MPDZ: variants seen among roughly 807,000 people sequenced by gnomAD.
MPDZ encodes the protein multiple PDZ domain crumbs cell polarity complex component.
Under a neutral mutation model 239.1 loss-of-function variants are expected in MPDZ, and 234 were observed. The observed-to-expected ratio is 0.98, with a 90% CI of 0.88 to 1.09. The LOEUF (loss-of-function observed/expected upper bound fraction) is 1.09, where lower values mean the gene tolerates loss of function less well. Among genes scored for constraint, MPDZ ranks in the 50% least tolerant of loss-of-function variants. MPDZ has a pLI of 0.00. For missense variants in MPDZ, 3,175 were observed against 2,510.0 expected (o/e 1.26, Z -5.66); for synonymous variants, 1,048 against 881.3 (o/e 1.19, Z -3.35).
chr9:13,267,212 A>G (rs1184040698), intron 1 of MPDZ, among the ~76,000 whole-genome samples: 2 of 152,374 alleles, frequency 1.3e-5, no homozygotes, highest in African/African-American at 4.8e-5. Context: ...AATAGGCTAC[A>G]TAAGTAAATT....
At chr9:13,152,095 T>G (rs773155750) in intron 24 of MPDZ, among the ~76,000 whole-genome samples, 1 of 152,088 alleles carries the variant, frequency 6.6e-6, no homozygotes, top group Non-Finnish European at 1.5e-5. Context: ...GCTAAACAGA[T>G]AGCAGCTTCT....
At chr9:13,221,184 CT>C in intron 7 of MPDZ, among the ~76,000 whole-genome samples, 187 bp downstream of exon 7, 1 of 152,054 alleles carries the variant, frequency 6.6e-6, no homozygotes, top group South Asian at 2.1e-4. Context: ...ATTACTGTCC[CT>C]TTTCAAAGGT....
At chr9:13,217,078 A>G (rs998238463) in intron 9 of MPDZ, 102 bp downstream of exon 9, 3 of 926,512 alleles carry the variant, frequency 3.2e-6, no homozygotes. Context: ...CAACCAGTTT[A>G]TCCAACAACC....
Position 13,133,815 on chromosome 9 carries a change from C to A in MPDZ, c.4464+9G>T. 6.4e-7 allele frequency: 1 copy of A among 1,571,230 alleles called. No individual in the cohort carries two copies. Among genetic ancestry groups the A allele is most frequent in the African/African-American group, 1.4e-5 (1 of 73,806 alleles). ...CACATCATTTCATTCCAATTCAAAG[C>A]AGATTTACCTTGGGAAGCTCCAGAT... On this transcript the variant is annotated intron_variant, in intron 32 of 46. Coordinates refer to ENST00000319217, the MANE Select transcript of MPDZ (RefSeq NM_001378778.1).
chr9:13,278,540 C>A (rs1974777959), intron 1 of MPDZ, among the ~76,000 whole-genome samples: 1 of 152,202 alleles, frequency 6.6e-6, no homozygotes, highest in Admixed American at 6.5e-5. Flanking sequence ...ACCATCACCA[C>A]CCAACAAACG....
intron 3 of MPDZ, among the ~76,000 whole-genome samples, chr9:13,226,702 G>A (rs1346274957): frequency 6.6e-6 from 1 of 152,024 alleles, no homozygotes; most frequent in Non-Finnish European, 1.5e-5. Flanking sequence ...TCCACACCCT[G>A]CTGTCATGAA....
chr9:13,135,305 T>A (rs1946575703), intron 31 of MPDZ: 1 of 152,222 alleles, frequency 6.6e-6, no homozygotes, highest in Non-Finnish European at 1.5e-5. Flanking sequence ...AAAATATTTG[T>A]TGGATAAACA....
intron 24 of MPDZ, among the ~76,000 whole-genome samples, chr9:13,157,204 G>C (rs896389106): frequency 4.6e-5 from 7 of 152,042 alleles, no homozygotes; most frequent in Non-Finnish European, 8.8e-5. Context: ...TGAACACAAA[G>C]CATCACATTG....
chr9:13,121,736 C>A lies in MPDZ; in HGVS notation c.5231+3G>T, dbSNP rs757335445. Reference sequence around the variant, plus strand: ...GCATTGGGTTTGTCCTCCTCAATCACACCTTTTACCAACAATACTTAATCC... The same window carrying A: ...GCATTGGGTTTGTCCTCCTCAATCAAACCTTTTACCAACAATACTTAATCC... On this transcript the variant is annotated splice_donor_region_variant and intron_variant, in intron 38 of 46. Coordinates refer to ENST00000319217, the MANE Select transcript of MPDZ (RefSeq NM_001378778.1). 1 of 1,613,834 alleles carries A rather than the reference C, an allele frequency of 6.2e-7. No individual in the cohort carries two copies. Among genetic ancestry groups the A allele is most frequent in the South Asian group, 1.1e-5 (1 of 91,072 alleles).
intron 3 of MPDZ, among the ~76,000 whole-genome samples, chr9:13,243,758 G>T (rs1486321932): frequency 6.6e-6 from 1 of 152,128 alleles, no homozygotes; most frequent in East Asian, 1.9e-4. Context: ...TTAATTTTGT[G>T]TGCATACACA....
At chr9:13,189,127 T>A in intron 16 of MPDZ, 134 bp from the exon 17 acceptor site, 5 of 737,852 alleles carry the variant, frequency 6.8e-6, no homozygotes, top group South Asian at 2.1e-5. Context: ...AAAAAATCCA[T>A]ACAAAATTTC....
Position 13,119,513 on chromosome 9 carries a change from C to A in MPDZ, c.5368G>T (p.Ala1790Ser), listed in dbSNP as rs757171783. Residue 1790 changes from alanine to serine, a missense_variant, in exon 39 of 47, where the codon GCT becomes TCT. Coordinates refer to ENST00000319217, the MANE Select transcript of MPDZ (RefSeq NM_001378778.1). ...VRNATQEAVA[A>S]LLKCSLGTVT... ...TTTGCATTTTTTACCTTTAGCAAAG[C>A]GGCAACCGCTTCTTGGGTGGCATTA... 8.7e-6 allele frequency: 14 copies of A among 1,609,626 alleles called. No individual in the cohort carries two copies. The Admixed American group carries it at 1.5e-4, about 17-fold the overall frequency.
rs1367844102 is a variant in MPDZ at position 13,247,687 on chromosome 9, A to T, written c.131T>A (p.Leu44His). The change falls in exon 3 of 47, where the codon CTC (leucine) becomes CAC (histidine). Residue 44 changes from leucine (L) to histidine (H), a missense_variant. Coordinates refer to ENST00000319217, the MANE Select transcript of MPDZ (RefSeq NM_001378778.1). ...CTGAAGGCTCAGAATCTGACTGAAGAGAGGGCTCTGCAGGACTGACTTCAG... is the reference window on the plus strand; with the variant it reads ...CTGAAGGCTCAGAATCTGACTGAAGTGAGGGCTCTGCAGGACTGACTTCAG... ...SLLKSVLQSP[L>H]FSQILSLQTS... The T allele has an allele frequency of 3.1e-6, 5 of 1,613,600 alleles. No homozygotes were observed. Among genetic ancestry groups the T allele is most frequent in the Non-Finnish European group, 3.4e-6 (4 of 1,179,642 alleles).
chr9:13,178,033 T>A (rs959415747), intron 19 of MPDZ, among the ~76,000 whole-genome samples: 1 of 152,116 alleles, frequency 6.6e-6, no homozygotes, highest in Non-Finnish European at 1.5e-5. Context: ...CTTCATCTCC[T>A]GACCTCGTGA....
intron 32 of MPDZ, among the ~76,000 whole-genome samples, chr9:13,129,502 T>A (rs1330875634): frequency 4.0e-5 from 6 of 151,444 alleles, no homozygotes; most frequent in Non-Finnish European, 5.9e-5. Context: ...TAAAAATAAA[T>A]AAATGAAAAG....
intron 27 of MPDZ, among the ~76,000 whole-genome samples, chr9:13,140,478 CTTA>C (rs1268929879): frequency 6.8e-6 from 1 of 146,284 alleles, no homozygotes; most frequent in Non-Finnish European, 1.5e-5. Flanking sequence ...ACATGATATT[CTTA>C]TTTCCATATA....
intron 39 of MPDZ, among the ~76,000 whole-genome samples, chr9:13,116,017 T>C (rs956454751): frequency 6.6e-6 from 1 of 151,128 alleles, no homozygotes; most frequent in Admixed American, 6.6e-5. Flanking sequence ...CAGCAACTTG[T>C]TTTGCCCTCA....
In MPDZ at chr9:13,150,658, G is replaced by T; in HGVS notation, c.3483C>A (p.Ser1161=). Residue 1161 remains serine (S), a synonymous_variant, in exon 25 of 47, where the codon TCC becomes TCA. Coordinates refer to ENST00000319217, the MANE Select transcript of MPDZ (RefSeq NM_001378778.1). ...GTCCACCAACAATGCTGATGCCTAA[G>T]GATTTGCTTGGTTCTCTCCAGAGTT... ...RVELWREPSK[S]LGISIVGGRG... The T allele has an allele frequency of 6.9e-7, 1 of 1,444,556 alleles. No homozygotes were observed. Among genetic ancestry groups the T allele is most frequent in the Non-Finnish European group, 9.2e-7 (1 of 1,091,350 alleles). 89.5% of individuals were successfully genotyped at this position (1,444,556 alleles called of 1,614,324 possible). A position where few individuals can be genotyped will look rare whatever the true frequency, so the allele number is the denominator to read the frequency against.
In MPDZ at chr9:13,105,875, A is replaced by G. The variant is rs756266645; in HGVS notation, c.*1090T>C. 6 of 152,230 alleles carry G rather than the reference A, an allele frequency of 3.9e-5. No homozygotes were observed. The highest frequency in any genetic ancestry group is 8.8e-5 in the Non-Finnish European group (6 of 68,036). 9.4% of individuals were successfully genotyped at this position (152,230 alleles called of 1,614,324 possible). ...GCTCTAAAATGGGAATGAACACATG[A>G]TAATTCCTCACCAGTTGTCTCAATA... On this transcript the variant is annotated 3_prime_UTR_variant, in exon 47 of 47. Transcript: ENST00000319217.
Sources: gnomAD v4.1 joint callset for allele counts (sites outside exome capture counted in the v4.1 genomes callset) on GRCh38, gnomAD v4.1.1 for gene constraint, MANE v1.5 for transcripts, NCBI Gene and HGNC (gene_info 2026-07-23, HGNC 2026-07-21) for gene names.